The following BACH2 variants were observed in gnomAD, a reference collection of about 807,000 sequenced individuals.
BACH2 encodes transcription regulator protein BACH2.
In BACH2, 5 loss-of-function variants were observed where a neutral mutation model predicts 61.8. The ratio of observed to expected loss-of-function variants is 0.08; its 90% CI spans 0.04 to 0.17. The LOEUF is 0.17. Among genes scored for constraint, BACH2 ranks in the 10% least tolerant of loss-of-function variants. The pLI, the probability that BACH2 is intolerant of heterozygous loss-of-function variation, is 1.00. For synonymous variants in BACH2, 446 were observed against 440.1 expected, an observed-to-expected ratio of 1.01 and a Z score of -0.17; for missense variants, 824 against 1,091.1, an observed-to-expected ratio of 0.76 and a Z score of 3.45.
chr6:90,181,980 C>A (rs2127841428), intron 4 of BACH2, among the ~76,000 whole-genome samples: 1 of 152,232 alleles, frequency 6.6e-6, no homozygotes, highest in African/African-American at 2.4e-5. Context: ...ACTAGCCCTG[C>A]AATTGGCCTC....
At chr6:90,026,867 A>C (rs987836219) in intron 5 of BACH2, among the ~76,000 whole-genome samples, 2 of 152,208 alleles carry the variant, frequency 1.3e-5, no homozygotes, top group Admixed American at 6.5e-5. Flanking sequence ...TCATCTCTGC[A>C]GGGATGCAGG....
chr6:90,112,750 A>C (rs986675886), intron 4 of BACH2, among the ~76,000 whole-genome samples: 1 of 152,216 alleles, frequency 6.6e-6, no homozygotes, highest in Admixed American at 6.5e-5. Context: ...ATTCATACAT[A>C]CAATACTAAC....
At chr6:90,230,043 T>A (rs1770044456) in intron 3 of BACH2, among the ~76,000 whole-genome samples, 1 of 152,128 alleles carries the variant, frequency 6.6e-6, no homozygotes, top group South Asian at 2.1e-4. Flanking sequence ...TTCTGACTGA[T>A]CCAGAATGGG....
Position 90,077,540 on chromosome 6 carries a change from C to T in BACH2, c.-13+11421G>A, listed in dbSNP as rs78366290. Among the ~76,000 whole-genome samples the T allele has an allele frequency of 5.8e-3, 882 of 152,080 alleles. 50 individuals carry two copies. The East Asian group carries it at 0.13, about 23-fold the overall frequency. ...TATTCCAGACTGATGGTTCCTAACA[C>T]AAAAACCAAAAATCTGATGAGAATA... On this transcript the variant is annotated intron_variant, in intron 5 of 8. Coordinates refer to ENST00000257749, the MANE Select transcript of BACH2 (RefSeq NM_021813.4).
rs546755670 is a variant in BACH2 at position 90,134,444 on chromosome 6, C to T, written c.-161-45335G>A. 5.3e-5 allele frequency among the ~76,000 whole-genome samples: 8 copies of T among 152,268 alleles called. No individual in the cohort carries two copies. In the South Asian group the frequency reaches 1.7e-3, roughly 32 times the overall value. ...AAGAGTGATGAAGGCTGACATTTTA[C>T]AAGAGGATGGATGAGAAGAGTCCTT... is the stretch of plus-strand genomic sequence containing the variant. On this transcript the variant is annotated intron_variant, in intron 4 of 8. Coordinates refer to ENST00000257749, the MANE Select transcript of BACH2 (RefSeq NM_021813.4).
At chr6:90,056,296 A>G (rs58060944) in intron 5 of BACH2, among the ~76,000 whole-genome samples, 4,598 of 152,236 alleles carry the variant, frequency 0.03, 223 homozygotes, top group African/African-American at 0.11. Flanking sequence ...GCAAATGGAA[A>G]ACAAAAAAAG....
intron 6 of BACH2, among the ~76,000 whole-genome samples, chr6:90,005,877 G>A (rs1295661305): frequency 6.6e-6 from 1 of 152,164 alleles, no homozygotes; most frequent in African/African-American, 2.4e-5. Context: ...GATGATGCAG[G>A]GATGATAATC....
intron 4 of BACH2, among the ~76,000 whole-genome samples, chr6:90,098,128 A>G (rs1562442134): frequency 6.6e-6 from 1 of 152,186 alleles, no homozygotes; most frequent in Non-Finnish European, 1.5e-5. Context: ...GCATTTACCA[A>G]TGCACTGCAT....
intron 6 of BACH2, among the ~76,000 whole-genome samples, chr6:89,998,960 G>T (rs1329039984): frequency 6.6e-6 from 1 of 152,172 alleles, no homozygotes; most frequent in Non-Finnish European, 1.5e-5. Context: ...AATCCATTAA[G>T]ATTATTAGGT....
chr6:90,004,300 TGAGA>T (rs1290170399), intron 6 of BACH2, among the ~76,000 whole-genome samples: 1 of 151,916 alleles, frequency 6.6e-6, no homozygotes. Context: ...AAATGTTGAG[TGAGA>T]GAGAGAAAGC....
intron 4 of BACH2, among the ~76,000 whole-genome samples, chr6:90,159,745 T>A (rs1785124530): frequency 6.6e-6 from 1 of 152,204 alleles, no homozygotes; most frequent in African/African-American, 2.4e-5. Context: ...TCTAATTCAA[T>A]AAGCTAGTGA....
At chr6:90,048,616 C>T (rs902919745) in intron 5 of BACH2, among the ~76,000 whole-genome samples, 3 of 152,170 alleles carry the variant, frequency 2.0e-5, no homozygotes, top group Non-Finnish European at 2.9e-5. Flanking sequence ...GTAAACATTT[C>T]TAAAATGTGC....
intron 1 of BACH2, among the ~76,000 whole-genome samples, chr6:90,292,699 G>C (rs906223013): frequency 6.6e-6 from 1 of 152,172 alleles, no homozygotes; most frequent in East Asian, 1.9e-4. Flanking sequence ...AGAAAACAGA[G>C]ACACACAAAG....
At chr6:90,161,508 T>C (rs543268809) in intron 4 of BACH2, among the ~76,000 whole-genome samples, 9 of 152,330 alleles carry the variant, frequency 5.9e-5, no homozygotes, top group Admixed American at 3.3e-4. Context: ...ACATCAGAAT[T>C]TATTTTAAAT....
At chr6:90,218,803 CAG>C in intron 3 of BACH2, among the ~76,000 whole-genome samples, 1 of 152,262 alleles carries the variant, frequency 6.6e-6, no homozygotes, top group Middle Eastern at 3.4e-3. Flanking sequence ...GCTCCCCAAA[CAG>C]AAACTTCAAA....
intron 4 of BACH2, among the ~76,000 whole-genome samples, chr6:90,091,284 T>C (rs369660266): frequency 2.5e-4 from 38 of 152,284 alleles, no homozygotes; most frequent in East Asian, 1.2e-3. Context: ...AGTAAACCCT[T>C]TGAAAGTCCT....
In BACH2 at chr6:90,267,748, A is replaced by G. The variant is rs965286331; in HGVS notation, c.-353+4101T>C. Among the ~76,000 whole-genome samples, 26 of 152,288 alleles carry G rather than the reference A, an allele frequency of 1.7e-4. 1 individual carries two copies. Among genetic ancestry groups the G allele is most frequent in the African/African-American group, 5.8e-4 (24 of 41,570 alleles). On this transcript the variant is annotated intron_variant, in intron 2 of 8. Transcript: ENST00000257749. The stretch of plus-strand genomic sequence containing the variant: ...CATATTTGATAAGGATAAATGTTGT[A>G]ACAAAATATTAAAGAAAGTTGCAGA...
At chr6:89,979,733 A>T (rs1582132969) in intron 6 of BACH2, among the ~76,000 whole-genome samples, 1 of 152,344 alleles carries the variant, frequency 6.6e-6, no homozygotes, top group South Asian at 2.1e-4. Context: ...TACAGATATG[A>T]GTTTGGGAGC....
intron 3 of BACH2, among the ~76,000 whole-genome samples, chr6:90,220,850 A>C (rs2127855885): frequency 6.6e-6 from 1 of 152,352 alleles, no homozygotes; most frequent in Admixed American, 6.5e-5. Context: ...TTTCATAGTT[A>C]ACTACCTGGT....
Sources: gnomAD v4.1 joint callset for allele counts (sites outside exome capture counted in the v4.1 genomes callset) on GRCh38, gnomAD v4.1.1 for gene constraint, MANE v1.5 for transcripts, NCBI Gene and HGNC (gene_info 2026-07-23, HGNC 2026-07-21) for gene names.